Variants in GJB6 observed in about 807,000 individuals in gnomAD.
The protein encoded by GJB6 is gap junction protein beta 6, also known as gap junction beta-6 protein.
In GJB6, 5 loss-of-function variants were observed where a neutral mutation model predicts 5.4. That is an observed-to-expected ratio of 0.92 (90% CI 0.48 to 1.93). The LOEUF (loss-of-function observed/expected upper bound fraction) is 1.93. Among genes scored for constraint, GJB6 ranks in the 30% most tolerant of loss-of-function variants. GJB6 has a pLI of 0.01. For missense variants in GJB6, 298 were observed against 326.9 expected, an observed-to-expected ratio of 0.91 and a Z score of 0.68; for synonymous variants, 136 against 129.6, an observed-to-expected ratio of 1.05 and a Z score of -0.34.
intron 4 of GJB6, among the ~76,000 whole-genome samples, chr13:20,223,736 C>G (rs575990264): frequency 6.6e-6 from 1 of 152,144 alleles, no homozygotes; most frequent in African/African-American, 2.4e-5. Context: ...GAGGCAGAGG[C>G]GGGCAGATCA....
intron 1 of GJB6, among the ~76,000 whole-genome samples, chr13:20,231,769 C>A (rs567239691): frequency 6.6e-6 from 1 of 152,264 alleles, no homozygotes; most frequent in South Asian, 2.1e-4. Context: ...GGGAAAGGGG[C>A]ACCGGCCCTC....
At chr13:20,229,034 C>T (rs1354445968) in intron 4 of GJB6, among the ~76,000 whole-genome samples, 1 of 135,234 alleles carries the variant, frequency 7.4e-6, no homozygotes, top group African/African-American at 2.8e-5. Flanking sequence ...TCACTAATGA[C>T]AGAACCAAAA....
rs1231132451 is a variant in GJB6 at position 20,222,259 on chromosome 13, T to C, written c.*436A>G. ...TTCTAAAACTAACATCGCATGTTTT[T>C]CCAGGTAAGGAAGACCAGTCATTAT... On this transcript the variant is annotated 3_prime_UTR_variant, in exon 5 of 5. Coordinates refer to ENST00000647029, the MANE Select transcript of GJB6 (RefSeq NM_001110219.3). The C allele has an allele frequency of 5.9e-6, 1 of 170,076 alleles. No homozygotes were observed. The highest frequency in any genetic ancestry group is 1.3e-5 in the Non-Finnish European group (1 of 78,228). 10.5% of individuals were successfully genotyped at this position (170,076 alleles called of 1,614,324 possible). A position where few individuals can be genotyped will look rare whatever the true frequency, so the allele number is the denominator to read the frequency against.
chr13:20,225,649 A>G (rs1219091927), intron 4 of GJB6: 2 of 152,208 alleles, frequency 1.3e-5, no homozygotes, highest in African/African-American at 2.4e-5. Flanking sequence ...TTCCTGGAGA[A>G]GGGCAAATAT....
At chr13:20,228,924 A>G (rs1537787) in intron 4 of GJB6, among the ~76,000 whole-genome samples, 63,831 of 151,604 alleles carry the variant, frequency 0.42, 13,985 homozygotes, top group East Asian at 0.58. Context: ...AATAATTTAG[A>G]TCTATTGGCA....
chr13:20,223,105 C>A lies in GJB6; in HGVS notation c.376G>T (p.Val126Phe), dbSNP rs1420816277. 23 of 1,613,810 alleles carry A rather than the reference C, an allele frequency of 1.4e-5. No homozygotes were observed. The highest frequency in any genetic ancestry group is 2.7e-5 in the African/African-American group (2 of 74,900). ...KDIEDIKKQK[V>F]RIEGSLWWTY... is the part of the protein sequence containing the mutation. ...CACCACAGCGACCCCTCTATCCGAA[C>A]CTTCTGCTTTTTAATGTCCTCTATG... is the stretch of plus-strand genomic sequence containing the variant. Residue 126 changes from valine (V) to phenylalanine (F), a missense_variant, in exon 5 of 5, where the codon GTT (valine) becomes TTT (phenylalanine). Transcript: ENST00000647029.
rs139711065 is a variant in GJB6 at position 20,222,987 on chromosome 13, C to T, written c.494G>A (p.Trp165Ter). ...YFLYNGYHLP[W>*]VLKCGIDPCP... The stretch of plus-strand genomic sequence containing the variant: ...GGGGTCAATCCCACATTTCAACACC[C>T]AGGGCAGGTGGTACCCATTGTAAAG... The change falls in exon 5 of 5, where the codon TGG (tryptophan) becomes TAG (stop). Residue 165 changes from tryptophan to a stop codon, truncating the protein, a stop_gained. Transcript: ENST00000647029. LOFTEE classifies it high-confidence loss of function. 5 of 1,614,168 alleles carry T rather than the reference C, an allele frequency of 3.1e-6. 1 individual carries two copies. The South Asian group carries it at 4.4e-5, about 14-fold the overall frequency.
chr13:20,227,991 G>A (rs1251299919), intron 4 of GJB6, among the ~76,000 whole-genome samples: 1 of 131,122 alleles, frequency 7.6e-6, no homozygotes, highest in Non-Finnish European at 1.6e-5. Context: ...GTTGTGGGTT[G>A]GGGGTGGCAA....
chr13:20,223,635 C>G (rs890880935), intron 4 of GJB6, 140 bp from the exon 5 acceptor site: 1 of 734,306 alleles, frequency 1.4e-6, no homozygotes, highest in Non-Finnish European at 2.4e-6. Flanking sequence ...CCCTGCTAGT[C>G]TGAGGTTTTC....
At chr13:20,231,701 G>A (rs947659974) in intron 1 of GJB6, among the ~76,000 whole-genome samples, 196 bp from the exon 2 acceptor site, 3 of 152,094 alleles carry the variant, frequency 2.0e-5, no homozygotes, top group African/African-American at 7.2e-5. Flanking sequence ...CAAATCCAAG[G>A]GGACACCCCG....
intron 3 of GJB6, 43 bp from the exon 4 acceptor site, chr13:20,229,792 T>TCCCCCCCCCCCCCCCCCCCCC (rs56771888): frequency 1.1e-4 from 8 of 72,816 alleles, no homozygotes; most frequent in Non-Finnish European, 1.6e-4. Context: ...TTCCTTTAAC[T>TCCCCCCCCCCCCCCCCCCCCC]CCCCCCCCCC....
chr13:20,230,519 T>G (rs1593370944), intron 3 of GJB6, among the ~76,000 whole-genome samples, 179 bp downstream of exon 3: 1 of 152,346 alleles, frequency 6.6e-6, no homozygotes, highest in Admixed American at 6.5e-5. Flanking sequence ...GAGCAGGCCC[T>G]CTGGGGTTCC....
At chr13:20,228,263 C>T (rs1869732947) in intron 4 of GJB6, among the ~76,000 whole-genome samples, 1 of 152,192 alleles carries the variant, frequency 6.6e-6, no homozygotes, top group Non-Finnish European at 1.5e-5. Flanking sequence ...GAAATATTAA[C>T]TCTTTCTTCG....
intron 4 of GJB6, among the ~76,000 whole-genome samples, chr13:20,226,804 C>G (rs375875782): frequency 6.6e-6 from 1 of 152,330 alleles, no homozygotes; most frequent in East Asian, 1.9e-4. Context: ...AATGCCCAAT[C>G]AGCAAGAGTT....
intron 4 of GJB6, among the ~76,000 whole-genome samples, chr13:20,228,660 A>G (rs929715378): frequency 4.0e-5 from 6 of 149,898 alleles, no homozygotes; most frequent in African/African-American, 9.8e-5. Context: ...AATTTTTTGT[A>G]TTTTTAGTAG....
chr13:20,225,104 C>A (rs564678860), intron 4 of GJB6, among the ~76,000 whole-genome samples: 1 of 152,204 alleles, frequency 6.6e-6, no homozygotes, highest in Non-Finnish European at 1.5e-5. Flanking sequence ...TGGAAAAGTC[C>A]GACTCCTAGT....
At chr13:20,224,071 G>A (rs1869415378) in intron 4 of GJB6, among the ~76,000 whole-genome samples, 1 of 152,136 alleles carries the variant, frequency 6.6e-6, no homozygotes, top group African/African-American at 2.4e-5. Flanking sequence ...TTAGATTGCT[G>A]TTTGCATTAA....
chr13:20,225,827 T>A (rs970598367), intron 4 of GJB6: 11 of 152,212 alleles, frequency 7.2e-5, no homozygotes, highest in African/African-American at 2.2e-4. Context: ...ATGGTCTTTG[T>A]TGCCGCCTCT....
At chr13:20,228,328 G>A (rs1002048798) in intron 4 of GJB6, among the ~76,000 whole-genome samples, 1 of 152,282 alleles carries the variant, frequency 6.6e-6, no homozygotes, top group Middle Eastern at 3.4e-3. Flanking sequence ...TTTAAGGAAA[G>A]AATAGATACG....
Sources: gnomAD v4.1 joint callset for allele counts (sites outside exome capture counted in the v4.1 genomes callset) on GRCh38, gnomAD v4.1.1 for gene constraint, MANE v1.5 for transcripts, NCBI Gene and HGNC (gene_info 2026-07-23, HGNC 2026-07-21) for gene names.